The following RANBP2 variants were observed in gnomAD, a reference collection of about 807,000 sequenced individuals.
The protein encoded by RANBP2 is E3 SUMO-protein ligase RanBP2.
RANBP2 carries 57 observed loss-of-function variants against 303.6 expected under a neutral mutation model. The observed-to-expected ratio is 0.19, with a 90% CI of 0.15 to 0.23. RANBP2 has a LOEUF of 0.23. RANBP2 is among the 10% of genes least tolerant of loss of function. RANBP2 has a pLI of 1.00. For synonymous variants in RANBP2, 1,167 were observed against 1,301.5 expected (o/e 0.90, Z 2.23); for missense variants, 3,138 against 3,780.8 (o/e 0.83, Z 4.46).
chr2:108,943,977 T>G, the RANBP2 span, among the ~76,000 whole-genome samples: 1 of 152,114 alleles, frequency 6.6e-6, no homozygotes, highest in African/African-American at 2.4e-5. Flanking sequence ...TAAACTGAGG[T>G]GAATGCATGT....
chr2:109,405,492 C>T, the RANBP2 span, among the ~76,000 whole-genome samples: 1 of 152,124 alleles, frequency 6.6e-6, no homozygotes, highest in Admixed American at 6.5e-5. Flanking sequence ...CAGATCTTCT[C>T]CCTGCGCACC....
At chr2:109,195,012 A>G in the RANBP2 span, among the ~76,000 whole-genome samples, 1 of 152,202 alleles carries the variant, frequency 6.6e-6, no homozygotes, top group Non-Finnish European at 1.5e-5. Flanking sequence ...ACAGCTTTTT[A>G]GAAGTGGGGG....
At chr2:109,269,514 C>T in the RANBP2 span, among the ~76,000 whole-genome samples, 1 of 152,216 alleles carries the variant, frequency 6.6e-6, no homozygotes, top group African/African-American at 2.4e-5. Flanking sequence ...GGCGTGGTGG[C>T]TCATGCCTGT....
the RANBP2 span, among the ~76,000 whole-genome samples, chr2:109,137,846 T>C: frequency 6.6e-6 from 1 of 152,228 alleles, no homozygotes; most frequent in Non-Finnish European, 1.5e-5. Flanking sequence ...GGTCAAGGAA[T>C]CCTTCAGATG....
chr2:109,015,012 C>T, the RANBP2 span, among the ~76,000 whole-genome samples: 66 of 151,342 alleles, frequency 4.4e-4, no homozygotes, highest in Non-Finnish European at 6.8e-4. Context: ...CCCAGCTACT[C>T]GGGAGGCTGA....
chr2:109,378,738 C>G, the RANBP2 span, among the ~76,000 whole-genome samples: 1 of 152,218 alleles, frequency 6.6e-6, no homozygotes, highest in African/African-American at 2.4e-5. Flanking sequence ...ATAACCTTCT[C>G]TACTCCATGC....
At chr2:109,009,175 TA>T in the RANBP2 span, among the ~76,000 whole-genome samples, 2 of 151,478 alleles carry the variant, frequency 1.3e-5, no homozygotes, top group Non-Finnish European at 2.9e-5. Context: ...CCGTCTCTAC[TA>T]AAAATACAAA....
At chr2:109,541,638 T>C in the RANBP2 span, among the ~76,000 whole-genome samples, 6 of 152,362 alleles carry the variant, frequency 3.9e-5, 1 homozygote, top group African/African-American at 1.4e-4. Flanking sequence ...CCCCACTCCT[T>C]GCTGGTACTC....
chr2:109,555,122 C>T, the RANBP2 span, among the ~76,000 whole-genome samples: 1 of 152,154 alleles, frequency 6.6e-6, no homozygotes, highest in Non-Finnish European at 1.5e-5. Flanking sequence ...GTTCTTGTCA[C>T]CCTCTAGATT....
rs138368821 is a variant in RANBP2 at position 108,764,135 on chromosome 2, C to T, written c.3596C>T (p.Ala1199Val). The change falls in exon 20 of 29, where the codon GCG (alanine) becomes GTG (valine). Residue 1199 changes from alanine to valine, a missense_variant. Physicochemically the swap from Ala to Val is moderately conservative, Grantham distance 64. Coordinates refer to ENST00000283195, the MANE Select transcript of RANBP2 (RefSeq NM_006267.5). ...EDEEEFFCNR[A>V]KLFRFDVESK... is the part of the protein sequence containing the mutation. The stretch of plus-strand genomic sequence containing the variant: ...GAAGAAGAATTCTTTTGCAACCGCG[C>T]GAAATTGTTTCGTTTCGATGTAGAA... 8.7e-6 allele frequency: 14 copies of T among 1,613,838 alleles called. No homozygotes were observed. Among genetic ancestry groups the T allele is most frequent in the South Asian group, 2.2e-5 (2 of 91,074 alleles).
At chr2:108,853,875 T>TATAA in the RANBP2 span, among the ~76,000 whole-genome samples, 1 of 125,286 alleles carries the variant, frequency 8.0e-6, no homozygotes, top group African/African-American at 3.1e-5. Flanking sequence ...ATATATACTA[T>TATAA]ATAATATATT....
At chr2:109,164,186 C>CT in the RANBP2 span, among the ~76,000 whole-genome samples, 2 of 151,350 alleles carry the variant, frequency 1.3e-5, no homozygotes, top group East Asian at 3.9e-4. Context: ...TTTTCTTTTA[C>CT]TTTTTTTAAA....
chr2:109,117,020 G>A, the RANBP2 span, among the ~76,000 whole-genome samples: 1 of 152,222 alleles, frequency 6.6e-6, no homozygotes, highest in African/African-American at 2.4e-5. Flanking sequence ...ACCCGGCCGT[G>A]TGAGGTGTCA....
At chr2:108,829,755 A>G in the RANBP2 span, among the ~76,000 whole-genome samples, 1 of 152,182 alleles carries the variant, frequency 6.6e-6, no homozygotes, top group East Asian at 1.9e-4. Flanking sequence ...ATACATACAT[A>G]TGTACATATA....
chr2:109,505,330 A>G, the RANBP2 span, among the ~76,000 whole-genome samples: 1 of 152,188 alleles, frequency 6.6e-6, no homozygotes, highest in African/African-American at 2.4e-5. Flanking sequence ...CTACGTATAC[A>G]TTTGAGCTGG....
At position 108,727,738 on chromosome 2, in the gene RANBP2, G is replaced by T. The variant is rs557352772; in HGVS notation, c.73-1394G>T. On this transcript the variant is annotated intron_variant, in intron 1 of 28. Transcript: ENST00000283195. ...TTGCCTCAGCCTCCCAAGCAGTGGG[G>T]ATTACAGGGGTGTGCCACCATGCCC... Among the ~76,000 whole-genome samples, 318 of 152,012 alleles carry T rather than the reference G, an allele frequency of 2.1e-3. 1 individual carries two copies. Among genetic ancestry groups the T allele is most frequent in the Middle Eastern group, 0.017 (5 of 294 alleles).
the RANBP2 span, among the ~76,000 whole-genome samples, chr2:109,100,926 C>T: frequency 1.3e-5 from 2 of 152,146 alleles, no homozygotes; most frequent in Admixed American, 1.3e-4. Flanking sequence ...GTCAATTGTG[C>T]AATGTTATCC....
chr2:108,797,759 G>A, the RANBP2 span, among the ~76,000 whole-genome samples: 4 of 152,164 alleles, frequency 2.6e-5, no homozygotes, highest in African/African-American at 9.7e-5. Context: ...TGAAGTTAGA[G>A]ACCAGGCTAT....
chr2:109,520,771 A>G, the RANBP2 span, among the ~76,000 whole-genome samples: 1 of 138,746 alleles, frequency 7.2e-6, no homozygotes, highest in Non-Finnish European at 1.6e-5. Flanking sequence ...TTTCTACTAA[A>G]ACTACAAAAA....
Sources: gnomAD v4.1 joint callset for allele counts (sites outside exome capture counted in the v4.1 genomes callset) on GRCh38, gnomAD v4.1.1 for gene constraint, MANE v1.5 for transcripts, NCBI Gene and HGNC (gene_info 2026-07-23, HGNC 2026-07-21) for gene names.